The following ITPRID1 variants were observed in gnomAD, a reference collection of about 807,000 sequenced individuals.
ITPRID1 encodes the protein protein ITPRID1.
ITPRID1 carries 96 observed loss-of-function variants against 95.4 expected under a neutral mutation model. The ratio of observed to expected loss-of-function variants is 1.01; its 90% CI spans 0.85 to 1.19. The LOEUF (loss-of-function observed/expected upper bound fraction) is 1.19. Ranked by LOEUF, ITPRID1 falls within the 50% of genes most tolerant of loss-of-function variation. The pLI is 0.00. For synonymous variants in ITPRID1, 510 were observed against 453.6 expected (o/e 1.12, Z -1.58); for missense variants, 1,339 against 1,252.9 (o/e 1.07, Z -1.04).
chr7:31,539,838 G>T (rs1783875307), intron 1 of ITPRID1, among the ~76,000 whole-genome samples: 1 of 151,954 alleles, frequency 6.6e-6, no homozygotes, highest in African/African-American at 2.4e-5. Context: ...TTGAAGGGGA[G>T]GTTATCTTGG....
intron 10 of ITPRID1, among the ~76,000 whole-genome samples, chr7:31,620,387 G>A (rs188248638): frequency 0.043 from 6,458 of 150,730 alleles, 491 homozygotes; most frequent in African/African-American, 0.15. Flanking sequence ...CACCTCACAC[G>A]GCCGGGTACT....
intron 10 of ITPRID1, among the ~76,000 whole-genome samples, chr7:31,633,048 A>G (rs1361905115): frequency 6.6e-6 from 1 of 151,852 alleles, no homozygotes; most frequent in African/African-American, 2.4e-5. Flanking sequence ...CATCATGCCC[A>G]GCTAATTTTT....
At chr7:31,519,030 A>T (rs1018585846) in intron 1 of ITPRID1, among the ~76,000 whole-genome samples, 6 of 152,192 alleles carry the variant, frequency 3.9e-5, no homozygotes, top group African/African-American at 1.4e-4. Context: ...ATCCCCAGAG[A>T]TGACAGTAGC....
chr7:31,584,141 T>C (rs1183624829), intron 10 of ITPRID1, among the ~76,000 whole-genome samples: 2 of 152,168 alleles, frequency 1.3e-5, no homozygotes, highest in Admixed American at 6.5e-5. Flanking sequence ...ATAAGGGAGT[T>C]AGAAGTAGGC....
At chr7:31,612,361 T>C (rs1489039547) in intron 10 of ITPRID1, among the ~76,000 whole-genome samples, 6 of 152,098 alleles carry the variant, frequency 3.9e-5, no homozygotes, top group African/African-American at 1.4e-4. Context: ...GATTGGCTTT[T>C]GTTTTGTTTT....
chr7:31,519,494 G>A (rs1783148812), intron 1 of ITPRID1, among the ~76,000 whole-genome samples: 1 of 150,136 alleles, frequency 6.7e-6, no homozygotes, highest in Non-Finnish European at 1.5e-5. Flanking sequence ...ACCACTGTTA[G>A]CATTGTGTTA....
downstream of ITPRID1, among the ~76,000 whole-genome samples, chr7:31,657,129 AAT>A (rs1162267104): frequency 2.7e-5 from 4 of 148,476 alleles, no homozygotes; most frequent in Non-Finnish European, 4.5e-5. Context: ...ATATATATCA[AAT>A]ATATATAATC....
At chr7:31,544,191 A>G (rs1051076406) in intron 1 of ITPRID1, among the ~76,000 whole-genome samples, 6 of 152,110 alleles carry the variant, frequency 3.9e-5, no homozygotes, top group African/African-American at 1.4e-4. Context: ...AGTTTTCACC[A>G]TTAAGTATGA....
chr7:31,634,748 T>G, intron 10 of ITPRID1, among the ~76,000 whole-genome samples: 1 of 152,194 alleles, frequency 6.6e-6, no homozygotes, highest in Admixed American at 6.5e-5. Context: ...ACAACTGGTT[T>G]GGAACAGGAT....
At chr7:31,589,439 ATCT>A (rs1454380694) in intron 10 of ITPRID1, among the ~76,000 whole-genome samples, 1 of 152,162 alleles carries the variant, frequency 6.6e-6, no homozygotes, top group African/African-American at 2.4e-5. Flanking sequence ...ATGGTGGGAA[ATCT>A]TCTAATTTTG....
chr7:31,622,904 T>TAAAAAATGATAAAGGGGATATCA (rs1250110653), intron 10 of ITPRID1, among the ~76,000 whole-genome samples: 1 of 151,828 alleles, frequency 6.6e-6, no homozygotes, highest in Non-Finnish European at 1.5e-5. Flanking sequence ...ATAGACACAA[T>TAAAAAATGATAAAGGGGATATCA]AAAAAATGAT....
intron 12 of ITPRID1, among the ~76,000 whole-genome samples, chr7:31,648,437 T>A (rs1279722110): frequency 1.3e-5 from 2 of 152,212 alleles, no homozygotes; most frequent in Non-Finnish European, 2.9e-5. Context: ...ATCATTTCTA[T>A]ACTTATTCTA....
chr7:31,554,552 C>A, intron 4 of ITPRID1, 29 bp downstream of exon 4: 1 of 1,611,166 alleles, frequency 6.2e-7, no homozygotes, highest in Non-Finnish European at 8.5e-7. Context: ...GTGTGCCTTA[C>A]ATGTTTCTCT....
At chr7:31,588,630 T>G (rs1407938861) in intron 10 of ITPRID1, among the ~76,000 whole-genome samples, 2 of 1,432 alleles carry the variant, frequency 1.4e-3, no homozygotes, top group Non-Finnish European at 3.6e-3. Flanking sequence ...ATACTCTGTC[T>G]CAAAAAAAAA....
chr7:31,599,662 T>TTCTTTC lies in ITPRID1; in HGVS notation c.1228+16474_1228+16475insTTCTCT, dbSNP rs1369270186. The stretch of plus-strand genomic sequence containing the variant: ...CTTTCTTTCTTTTTCTTTCTTTCCT[T>TTCTTTC]TCTCTCTCTCTCTCTCTCTCTCTCT... On this transcript the variant is annotated intron_variant, in intron 10 of 14. Transcript: ENST00000615280. Among the ~76,000 whole-genome samples, 32 of 31,418 alleles carry TTCTTTC rather than the reference T, an allele frequency of 1.0e-3. 1 individual carries two copies. Among genetic ancestry groups the TTCTTTC allele is most frequent in the African/African-American group, 1.9e-3 (25 of 13,438 alleles). 20.6% of individuals were successfully genotyped at this position (31,418 alleles called of 152,430 possible).
intron 2 of ITPRID1, 86 bp downstream of exon 2, chr7:31,549,585 A>G: frequency 1.1e-6 from 1 of 946,614 alleles, no homozygotes; most frequent in Non-Finnish European, 1.5e-6. Flanking sequence ...ATATGAGGAA[A>G]TAGATTATCA....
At chr7:31,602,142 T>C (rs1786420914) in intron 10 of ITPRID1, among the ~76,000 whole-genome samples, 1 of 152,228 alleles carries the variant, frequency 6.6e-6, no homozygotes, top group South Asian at 2.1e-4. Context: ...GGGTGTTCTC[T>C]AGCCTTGTTT....
chr7:31,643,382 C>G lies in ITPRID1; in HGVS notation c.2012C>G (p.Pro671Arg), dbSNP rs779921596. Residue 671 changes from proline to arginine, a missense_variant, in exon 12 of 15, where the codon CCT (proline) becomes CGT (arginine). By Grantham distance (103) the Pro-to-Arg change is moderately radical. Coordinates refer to ENST00000615280, the MANE Select transcript of ITPRID1 (RefSeq NM_001257967.3). Reference protein sequence around the residue: ...EKLIPHLHKLPGDPAQVKSRS... With the variant: ...EKLIPHLHKLRGDPAQVKSRS... ...CTCATTCCCCACCTCCATAAACTGC[C>G]TGGAGATCCTGCCCAGGTGAAGTCA... is the stretch of plus-strand genomic sequence containing the variant. The G allele has an allele frequency of 3.7e-6, 6 of 1,613,866 alleles. No homozygotes were observed. The African/African-American group carries it at 8.0e-5, about 22-fold the overall frequency.
At chr7:31,607,270 G>A (rs530541843) in intron 10 of ITPRID1, among the ~76,000 whole-genome samples, 106 of 152,176 alleles carry the variant, frequency 7.0e-4, no homozygotes, top group Non-Finnish European at 9.7e-4. Flanking sequence ...CTCTTGTTTG[G>A]ATCCTTGCTG....
Sources: gnomAD v4.1 joint callset for allele counts (sites outside exome capture counted in the v4.1 genomes callset) on GRCh38, gnomAD v4.1.1 for gene constraint, MANE v1.5 for transcripts, NCBI Gene and HGNC (gene_info 2026-07-23, HGNC 2026-07-21) for gene names.